The following GMPPB variants were observed in gnomAD, a reference collection of about 807,000 sequenced individuals.
GMPPB encodes the protein GDP-mannose pyrophosphorylase B.
A neutral mutation model predicts 40.3 loss-of-function variants in GMPPB; 38 were observed. The ratio of observed to expected loss-of-function variants is 0.94; its 90% CI spans 0.73 to 1.24. The LOEUF (loss-of-function observed/expected upper bound fraction) is 1.24. Among genes scored for constraint, GMPPB ranks in the 50% most tolerant of loss-of-function variants. The probability of loss-of-function intolerance (pLI) is 0.00; values close to 1 mark genes in which losing one functional copy is unlikely to be tolerated. For synonymous variants in GMPPB, 193 were observed against 191.8 expected (o/e 1.01, Z -0.05); for missense variants, 436 against 487.1 (o/e 0.90, Z 0.99).
Position 49,720,766 on chromosome 3 carries a change from T to A in GMPPB, c.*986A>T. On this transcript the variant is annotated 3_prime_UTR_variant, in exon 9 of 9. Coordinates refer to ENST00000308388, the MANE Select transcript of GMPPB (RefSeq NM_021971.4). ...ATTCAAGAGGCATCACATCCTCAGC[T>A]ACCTCTGACTTGACACTACCTACCA... The A allele has an allele frequency of 6.2e-7, 1 of 1,613,360 alleles. No individual in the cohort carries two copies. The highest frequency in any genetic ancestry group is 8.5e-7 in the Non-Finnish European group (1 of 1,179,286).
Position 49,720,629 on chromosome 3 carries a change from C to T in GMPPB, c.*1123G>A, listed in dbSNP as rs762516169. 1.2e-5 allele frequency: 19 copies of T among 1,602,062 alleles called. 1 individual carries two copies. Among genetic ancestry groups the T allele is most frequent in the East Asian group, 2.2e-5 (1 of 44,690 alleles). ...TGGCACTGCTCTGCCAGCCCCTGAC[C>T]GGAAGCGCTTCTCCCTGCAGAGCTG... On this transcript the variant is annotated 3_prime_UTR_variant, in exon 9 of 9. Transcript: ENST00000308388.
At chr3:49,722,945 CAAGA>C in intron 4 of GMPPB, 23 bp downstream of exon 4, 1 of 1,610,218 alleles carries the variant, frequency 6.2e-7, no homozygotes, top group Non-Finnish European at 8.5e-7. Flanking sequence ...GTGAAAGTGT[CAAGA>C]GAGAGAAGAC....
At position 49,723,730 on chromosome 3, in the gene GMPPB, G is replaced by A. The variant is rs148826912; in HGVS notation, c.-4C>T. 6.3e-6 allele frequency: 10 copies of A among 1,583,006 alleles called. No individual in the cohort carries two copies. In the Admixed American group the frequency reaches 1.6e-4, roughly 26 times the overall value. On this transcript the variant is annotated 5_prime_UTR_variant, in exon 1 of 9. Transcript: ENST00000308388. The stretch of plus-strand genomic sequence containing the variant: ...CCACTAAGATCAGTGCCTTCATCGC[G>A]CCTGCGGACGTTGAGGGGGTGTCCC...
At position 49,720,572 on chromosome 3, in the gene GMPPB, T is replaced by C; in HGVS notation, c.*1180A>G. 1 of 1,612,146 alleles carries C rather than the reference T, an allele frequency of 6.2e-7. No homozygotes were observed. The highest frequency in any genetic ancestry group is 8.5e-7 in the Non-Finnish European group (1 of 1,178,900). On this transcript the variant is annotated 3_prime_UTR_variant, in exon 9 of 9. Transcript: ENST00000308388. ...CTGCTTCCAGCTACGCTCAATATGC[T>C]ATCTCCTGGGACAGCCAGAGCCCCC...
rs778490288 is a variant in GMPPB, at chr3:49,722,046, C to T, written c.870G>A (p.Thr290=). The T allele has an allele frequency of 4.6e-5, 74 of 1,613,466 alleles. No individual in the cohort carries two copies. The highest frequency in any genetic ancestry group is 6.1e-5 in the Non-Finnish European group (72 of 1,180,030). The change falls in exon 8 of 9, where the codon ACG becomes ACA. Residue 290 remains threonine, a synonymous_variant. Transcript: ENST00000308388. Reference sequence around the variant, plus strand: ...AACGGATCCGGGCATCCCGCAGCACCGTGCACCGCCGGATACACACACCAT... The same window carrying T: ...AACGGATCCGGGCATCCCGCAGCACTGTGCACCGCCGGATACACACACCAT... The part of the protein sequence containing the change: ...VEDGVCIRRC[T]VLRDARIRSH...
Position 49,721,391 on chromosome 3 carries a change from T to C in GMPPB, c.*361A>G. ...TATTTATGAGCTCCCTTTGCCCTTC[T>C]CCTGTATCCCACACCACCACATCCA... is the stretch of plus-strand genomic sequence containing the variant. On this transcript the variant is annotated 3_prime_UTR_variant, in exon 9 of 9. Coordinates refer to ENST00000308388, the MANE Select transcript of GMPPB (RefSeq NM_021971.4). 1 of 1,557,154 alleles carries C rather than the reference T, an allele frequency of 6.4e-7. No individual in the cohort carries two copies. Among genetic ancestry groups the C allele is most frequent in the Non-Finnish European group, 8.9e-7 (1 of 1,128,940 alleles).
Position 49,721,725 on chromosome 3 carries a change from G to C in GMPPB, c.*27C>G. ...ACTCCCCTTGCTGATGGGAAAACCG[G>C]GGCTCGGCCAGCCCCACTGCATCCC... On this transcript the variant is annotated 3_prime_UTR_variant, in exon 9 of 9. Coordinates refer to ENST00000308388, the MANE Select transcript of GMPPB (RefSeq NM_021971.4). 1 of 1,572,862 alleles carries C rather than the reference G, an allele frequency of 6.4e-7. No homozygotes were observed. The highest frequency in any genetic ancestry group is 8.6e-7 in the Non-Finnish European group (1 of 1,163,940).
chr3:49,723,001 G>A lies in GMPPB; in HGVS notation c.373C>T (p.Arg125Trp), dbSNP rs1215057042. 1 of 1,613,688 alleles carries A rather than the reference G, an allele frequency of 6.2e-7. No individual in the cohort carries two copies. The highest frequency in any genetic ancestry group is 1.1e-5 in the South Asian group (1 of 91,054). The stretch of plus-strand genomic sequence containing the variant: ...ATGGAGCCCTCCTGGCCATGGTGCC[G>A]GTGGAACTGCACCATGGCTTGGAAG... Reference protein sequence around the residue: ...FPFQAMVQFHRHHGQEGSILV... With the variant: ...FPFQAMVQFHWHHGQEGSILV... The change falls in exon 4 of 9, where the codon CGG (arginine) becomes TGG (tryptophan). Residue 125 changes from arginine to tryptophan, a missense_variant. Physicochemically the swap from Arg to Trp is moderately radical, Grantham distance 101 (BLOSUM62 -3). Coordinates refer to ENST00000308388, the MANE Select transcript of GMPPB (RefSeq NM_021971.4).
chr3:49,721,764 A>T lies in GMPPB; in HGVS notation c.1071T>A (p.Arg357=), dbSNP rs150478395. 2.0e-5 allele frequency: 32 copies of T among 1,603,402 alleles called. No individual in the cohort carries two copies. Among genetic ancestry groups the T allele is most frequent in the Non-Finnish European group, 2.7e-5 (32 of 1,177,428 alleles). The change falls in exon 9 of 9, where the codon CGT becomes CGA. Residue 357 remains arginine, a synonymous_variant. Transcript: ENST00000308388. ...CCACTGCATCCCCTCACATGATGAT[A>T]CGAGGCTCTGGCACTGACTCGCCAA... ...KSIGESVPEP[R]IIM
In GMPPB at chr3:49,721,543, C is replaced by T; in HGVS notation, c.*209G>A. The T allele has an allele frequency of 1.2e-6, 1 of 804,292 alleles. No individual in the cohort carries two copies. The highest frequency in any genetic ancestry group is 2.1e-6 in the Non-Finnish European group (1 of 475,470). 49.8% of individuals were successfully genotyped at this position (804,292 alleles called of 1,614,324 possible). A position where few individuals can be genotyped will look rare whatever the true frequency, so the allele number is the denominator to read the frequency against. On this transcript the variant is annotated 3_prime_UTR_variant, in exon 9 of 9. Coordinates refer to ENST00000308388, the MANE Select transcript of GMPPB (RefSeq NM_021971.4). Reference sequence around the variant, plus strand: ...TTATTCCATACAGCCCTGGCCCTGGCCCTTCTTGAGGGAGTGGGGTTTGTG... The same window carrying T: ...TTATTCCATACAGCCCTGGCCCTGGTCCTTCTTGAGGGAGTGGGGTTTGTG...
At position 49,723,681 on chromosome 3, in the gene GMPPB, G is replaced by T; in HGVS notation, c.46C>A (p.Pro16Thr). 1 of 1,586,852 alleles carries T rather than the reference G, an allele frequency of 6.3e-7. No homozygotes were observed. The highest frequency in any genetic ancestry group is 1.1e-5 in the South Asian group (1 of 87,186). Reference protein sequence around the residue: ...LVGGYGTRLRPLTLSTPKPLV... With the variant: ...LVGGYGTRLRTLTLSTPKPLV... Reference sequence around the variant, plus strand: ...GGCTTCGGGGTGCTCAGCGTCAGCGGCCGTAGCCGCGTCCCATAGCCCCCC... The same window carrying T: ...GGCTTCGGGGTGCTCAGCGTCAGCGTCCGTAGCCGCGTCCCATAGCCCCCC... Residue 16 changes from proline to threonine, a missense_variant, in exon 1 of 9, where the codon CCG becomes ACG. Physicochemically the swap from Pro to Thr is conservative, Grantham distance 38. Transcript: ENST00000308388.
Position 49,722,716 on chromosome 3 carries a change from C to A in GMPPB, c.441G>T (p.Val147=), listed in dbSNP as rs745690104. 4 of 1,613,676 alleles carry A rather than the reference C, an allele frequency of 2.5e-6. No homozygotes were observed. In the South Asian group the frequency reaches 4.4e-5, roughly 18 times the overall value. Residue 147 remains valine (V), a synonymous_variant, in exon 5 of 9, where the codon GTG becomes GTT. Transcript: ENST00000308388. ...KVEEPSKYGV[V]VCEADTGRIH... is the part of the protein sequence containing the mutation. ...TGCGGCCTGTGTCAGCCTCACACAC[C>A]ACCACACCGTACTTGGAGGGTTCCT...
rs961005962 is a variant in GMPPB at position 49,720,404 on chromosome 3, G to C, written c.*1348C>G. Reference sequence around the variant, plus strand: ...AAGCAGGGAGACGGAAAGGATGCAGGGGGGGTGATCATGTACGAGCCATGG... The same window carrying C: ...AAGCAGGGAGACGGAAAGGATGCAGCGGGGGTGATCATGTACGAGCCATGG... On this transcript the variant is annotated 3_prime_UTR_variant, in exon 9 of 9. Transcript: ENST00000308388. The C allele has an allele frequency of 6.9e-5, 79 of 1,152,424 alleles. No individual in the cohort carries two copies. Among genetic ancestry groups the C allele is most frequent in the Middle Eastern group, 2.2e-4 (1 of 4,636 alleles). The allele number at this position is 1,152,424 out of a possible 1,614,324, so 71.4% of individuals were successfully genotyped here. A position where few individuals can be genotyped will look rare whatever the true frequency, so the allele number is the denominator to read the frequency against.
Position 49,721,756 on chromosome 3 carries a change from A to G in GMPPB, c.1079T>C (p.Met360Thr). ...GESVPEPRII[M>T] is the part of the protein sequence containing the mutation. ...GGCCAGCCCCACTGCATCCCCTCACATGATGATACGAGGCTCTGGCACTGA... is the reference window on the plus strand; with the variant it reads ...GGCCAGCCCCACTGCATCCCCTCACGTGATGATACGAGGCTCTGGCACTGA... Residue 360 changes from methionine (M) to threonine (T), a missense_variant, in exon 9 of 9, where the codon ATG (methionine) becomes ACG (threonine). By Grantham distance (81) the Met-to-Thr change is moderately conservative. Coordinates refer to ENST00000308388, the MANE Select transcript of GMPPB (RefSeq NM_021971.4). 1 of 1,600,024 alleles carries G rather than the reference A, an allele frequency of 6.2e-7. No homozygotes were observed.
intron 7 of GMPPB, 40 bp downstream of exon 7, chr3:49,722,191 A>G (rs771239680): frequency 3.1e-6 from 5 of 1,608,264 alleles, no homozygotes; most frequent in Non-Finnish European, 2.6e-6. Flanking sequence ...TTGTCTCCCA[A>G]GACTGAGGGG....
At position 49,720,724 on chromosome 3, in the gene GMPPB, A is replaced by AGTC; in HGVS notation, c.*1025_*1027dup. 6.2e-7 allele frequency: 1 copy of AGTC among 1,606,204 alleles called. No homozygotes were observed. Among genetic ancestry groups the AGTC allele is most frequent in the East Asian group, 2.2e-5 (1 of 44,658 alleles). ...GGGTCAGGAGCCTTAAGAACAGCAA[A>AGTC]GTCCTAGGCTGGGAATATTCAAGAG... is the stretch of plus-strand genomic sequence containing the variant. On this transcript the variant is annotated 3_prime_UTR_variant, in exon 9 of 9. Coordinates refer to ENST00000308388, the MANE Select transcript of GMPPB (RefSeq NM_021971.4).
Position 49,721,679 on chromosome 3 carries a change from C to CTT in GMPPB, c.*71_*72dup, listed in dbSNP as rs2080411064. 27 of 1,393,530 alleles carry CTT rather than the reference C, an allele frequency of 1.9e-5. No individual in the cohort carries two copies. The South Asian group carries it at 3.4e-4, about 18-fold the overall frequency. The allele number at this position is 1,393,530 out of a possible 1,614,324, so 86.3% of individuals were successfully genotyped here. A position where few individuals can be genotyped will look rare whatever the true frequency, so the allele number is the denominator to read the frequency against. ...AGACAAATAATGACAAGTCCAGGGT[C>CTT]TTCTGATGTGTCAGGCCAGCACTCC... On this transcript the variant is annotated 3_prime_UTR_variant, in exon 9 of 9. Transcript: ENST00000308388.
intron 2 of GMPPB, 30 bp from the exon 3 acceptor site, chr3:49,723,332 T>A: frequency 6.2e-7 from 1 of 1,614,104 alleles, no homozygotes; most frequent in Non-Finnish European, 8.5e-7. Flanking sequence ...CCAGTCAGGT[T>A]CTACCAGGAT....
At position 49,721,404 on chromosome 3, in the gene GMPPB, A is replaced by G. The variant is rs763003314; in HGVS notation, c.*348T>C. ...CCTTTGCCCTTCTCCTGTATCCCAC[A>G]CCACCACATCCAACCTCCTTGCCTG... On this transcript the variant is annotated 3_prime_UTR_variant, in exon 9 of 9. Coordinates refer to ENST00000308388, the MANE Select transcript of GMPPB (RefSeq NM_021971.4). 7.4e-6 allele frequency: 11 copies of G among 1,483,644 alleles called. No homozygotes were observed. The highest frequency in any genetic ancestry group is 1.7e-5 in the Admixed American group (1 of 59,818). The allele number at this position is 1,483,644 out of a possible 1,614,324, so 91.9% of individuals were successfully genotyped here.
Sources: allele counts gnomAD v4.1 joint callset, GRCh38; gene constraint gnomAD v4.1.1; transcripts MANE v1.5; gene names NCBI Gene and HGNC (gene_info 2026-07-23, HGNC 2026-07-21).